PHKA2: variants seen among roughly 807,000 people sequenced by gnomAD.
PHKA2 encodes phosphorylase kinase regulatory subunit alpha 2.
A neutral mutation model predicts 102.0 loss-of-function variants in PHKA2; 31 were observed. The observed-to-expected ratio is 0.30, with a 90% CI of 0.23 to 0.41. The LOEUF (loss-of-function observed/expected upper bound fraction) is 0.41, where lower values mean the gene tolerates loss of function less well. Ranked by LOEUF, PHKA2 falls within the 10% of genes least tolerant of loss-of-function variation. The probability of loss-of-function intolerance (pLI) is 1.00; values close to 1 mark genes in which losing one functional copy is unlikely to be tolerated. For missense variants in PHKA2, 858 were observed against 1,023.1 expected, an observed-to-expected ratio of 0.84 and a Z score of 2.20; for synonymous variants, 455 against 416.2, an observed-to-expected ratio of 1.09 and a Z score of -1.13.
intron 7 of PHKA2, among the ~76,000 whole-genome samples, chrX:18,942,865 A>G (rs78738315): frequency 9.3e-6 from 1 of 107,705 alleles, no homozygotes; most frequent in East Asian, 2.9e-4. Context: ...AAAAAAAAAA[A>G]TAGACTATAC....
rs1345638123 is a variant in PHKA2, at chrX:18,897,342, C to T, written c.3112-9G>A. On this transcript the variant is annotated splice_polypyrimidine_tract_variant and intron_variant, in intron 29 of 32. Coordinates refer to ENST00000379942, the MANE Select transcript of PHKA2 (RefSeq NM_000292.3). The stretch of plus-strand genomic sequence containing the variant: ...GATGGGGTGCTGGACCTCTGCAAGA[C>T]AGACAGCTTGGGGCCTCAGAAGCCA... The T allele has an allele frequency of 8.3e-7, 1 of 1,201,873 alleles. No individual in the cohort carries two copies. Among genetic ancestry groups the T allele is most frequent in the Non-Finnish European group, 1.1e-6 (1 of 890,316 alleles).
chrX:18,899,145 G>A (rs1214969633), intron 29 of PHKA2, 28 bp downstream of exon 29: 4 of 1,178,702 alleles, frequency 3.4e-6, no homozygotes, highest in South Asian at 1.8e-5. Context: ...GAGCGGGGAC[G>A]GACACAATAA....
chrX:18,940,683 C>G (rs2048476207), intron 8 of PHKA2, among the ~76,000 whole-genome samples: 1 of 111,789 alleles, frequency 8.9e-6, no homozygotes, highest in Non-Finnish European at 1.9e-5. Flanking sequence ...TGTCCATTCT[C>G]CAGTTCCGTA....
chrX:18,920,839 G>A (rs1172082046), intron 17 of PHKA2, among the ~76,000 whole-genome samples: 1 of 112,344 alleles, frequency 8.9e-6, no homozygotes, highest in African/African-American at 3.2e-5. Flanking sequence ...CGCTGGGAGC[G>A]ATTTGCACAT....
intron 1 of PHKA2, among the ~76,000 whole-genome samples, chrX:18,961,762 T>C (rs1051238994): frequency 1.9e-5 from 2 of 107,788 alleles, no homozygotes; most frequent in African/African-American, 6.8e-5. Flanking sequence ...ATACACAACA[T>C]GAACCTTGAG....
Position 18,924,473 on chromosome X carries a change from T to C in PHKA2, c.1622A>G (p.Glu541Gly). The stretch of plus-strand genomic sequence containing the variant: ...GTAGGCCAGCTCGATCCTTAGCATC[T>C]CCACGATCATCTCATTGTCGAGGGC... The part of the protein sequence containing the change: ...YLALDNEMIV[E>G]MLRIELAYLC... Residue 541 changes from glutamate to glycine, a missense_variant, in exon 16 of 33, where the codon GAG becomes GGG. By Grantham distance (98) the Glu-to-Gly change is moderately conservative (BLOSUM62 -2). Around this residue, in one of 2 missense-constraint regions of PHKA2, gnomAD observed 671 missense variants for 745.2 expected, o/e 0.90. Transcript: ENST00000379942. The C allele has an allele frequency of 8.3e-7, 1 of 1,209,810 alleles. No homozygotes were observed. The highest frequency in any genetic ancestry group is 1.8e-5 in the South Asian group (1 of 56,936).
chrX:18,906,961 C>T (rs1255014217), intron 23 of PHKA2, 57 bp downstream of exon 23: 2 of 1,049,769 alleles, frequency 1.9e-6, no homozygotes, highest in Non-Finnish European at 2.6e-6. Context: ...CACTGGGAAG[C>T]GCTGTTTTCC....
At chrX:18,929,968 G>A (rs909252173) in intron 12 of PHKA2, among the ~76,000 whole-genome samples, 2 of 112,448 alleles carry the variant, frequency 1.8e-5, no homozygotes, top group African/African-American at 6.5e-5. Context: ...ACACTCAGAA[G>A]GAAAGAGCGC....
rs1429053534 is a variant in PHKA2 at position 18,895,433 on chromosome X, C to T, written c.3283-242G>A. On this transcript the variant is annotated intron_variant, in intron 30 of 32. Coordinates refer to ENST00000379942, the MANE Select transcript of PHKA2 (RefSeq NM_000292.3). ...TCTTTCAGATCTCCCCCGAACAATGCCCTAGGGGGCTGCCGAGTCCTCCCG... is the reference window on the plus strand; with the variant it reads ...TCTTTCAGATCTCCCCCGAACAATGTCCTAGGGGGCTGCCGAGTCCTCCCG... The T allele has an allele frequency of 9.6e-6, 4 of 417,592 alleles. No homozygotes were observed. The African/African-American group carries it at 9.9e-5, about 10-fold the overall frequency. 34.4% of individuals were successfully genotyped at this position (417,592 alleles called of 1,213,427 possible).
intron 17 of PHKA2, 133 bp downstream of exon 17, chrX:18,923,923 T>A (rs1448876747): frequency 3.7e-6 from 2 of 545,703 alleles, no homozygotes; most frequent in East Asian, 3.3e-5. Flanking sequence ...TAGAGAAGTG[T>A]TACCTTCCTG....
intron 27 of PHKA2, 58 bp downstream of exon 27, chrX:18,901,427 G>A (rs2047679301): frequency 1.6e-5 from 12 of 761,273 alleles, no homozygotes; most frequent in Non-Finnish European, 2.3e-5. Context: ...CGCTTTCTGG[G>A]GTAAGCCCAG....
chrX:18,968,933 T>C (rs1387272034), intron 1 of PHKA2, among the ~76,000 whole-genome samples: 1 of 111,271 alleles, frequency 9.0e-6, no homozygotes. Flanking sequence ...CTGACCAACA[T>C]GGTAAAACCC....
intron 28 of PHKA2, 53 bp from the exon 29 acceptor site, chrX:18,899,279 A>C (rs1284416228): frequency 8.1e-6 from 8 of 987,576 alleles, no homozygotes; most frequent in South Asian, 3.9e-5. Flanking sequence ...CAAGAGACAC[A>C]GCAGAGAGGA....
chrX:18,916,875 C>T (rs1249110658), intron 19 of PHKA2, among the ~76,000 whole-genome samples: 3 of 107,533 alleles, frequency 2.8e-5, no homozygotes, highest in African/African-American at 1.0e-4. Context: ...TGGGCTAATA[C>T]ATTTTTTTTT....
intron 11 of PHKA2, among the ~76,000 whole-genome samples, chrX:18,935,539 G>A (rs2048378783): frequency 9.0e-6 from 1 of 111,286 alleles, no homozygotes; most frequent in African/African-American, 3.3e-5. Flanking sequence ...GGATACCCAT[G>A]GTCAAGCGTG....
intron 11 of PHKA2, 120 bp downstream of exon 11, chrX:18,935,935 C>T: frequency 1.8e-6 from 1 of 556,974 alleles, no homozygotes. Flanking sequence ...CTTTTGAAAC[C>T]ATGTTTGGAG....
At chrX:18,908,430 G>C (rs1212889647) in intron 21 of PHKA2, among the ~76,000 whole-genome samples, 1 of 112,388 alleles carries the variant, frequency 8.9e-6, no homozygotes, top group Non-Finnish European at 1.9e-5. Flanking sequence ...GCCTAGTAAA[G>C]ACCATAAACT....
chrX:18,952,303 CTGAG>C (rs1420126803), intron 3 of PHKA2, among the ~76,000 whole-genome samples, 187 bp downstream of exon 3: 1 of 91,040 alleles, frequency 1.1e-5, no homozygotes, highest in Non-Finnish European at 2.1e-5. Context: ...TGCACTCAGC[CTGAG>C]TGACAGTGTG....
intron 11 of PHKA2, 101 bp from the exon 12 acceptor site, chrX:18,931,849 T>C: frequency 1.6e-6 from 1 of 622,896 alleles, no homozygotes; most frequent in African/African-American, 2.1e-5. Context: ...ATGGTACTCA[T>C]CCTCCAGGCC....
Sources: allele counts gnomAD v4.1 joint callset (sites outside exome capture counted in the v4.1 genomes callset), GRCh38; gene constraint gnomAD v4.1.1; regional missense constraint gnomAD v4.1.1; transcripts MANE v1.5; gene names NCBI Gene and HGNC (gene_info 2026-07-23, HGNC 2026-07-21).